PDE1C: variants seen among roughly 807,000 people sequenced by gnomAD.
PDE1C encodes phosphodiesterase 1C, also known as dual specificity calcium/calmodulin-dependent 3',5'-cyclic nucleotide phosphodiesterase 1C.
PDE1C carries 62 observed loss-of-function variants against 93.1 expected under a neutral mutation model. The observed-to-expected ratio is 0.67, with a 90% CI of 0.54 to 0.82. The LOEUF is 0.82. Among genes scored for constraint, PDE1C ranks in the 40% least tolerant of loss-of-function variants. The pLI is 0.00. For synonymous variants in PDE1C, 325 were observed against 310.1 expected (o/e 1.05, Z -0.50); for missense variants, 742 against 884.6 (o/e 0.84, Z 2.04).
At chr7:32,113,614 T>C (rs962968606) in intron 3 of PDE1C, among the ~76,000 whole-genome samples, 8 of 151,948 alleles carry the variant, frequency 5.3e-5, no homozygotes, top group African/African-American at 1.2e-4. Context: ...CATATTTACT[T>C]GGTCATGATA....
At chr7:32,330,286 A>T (rs1179305607) in intron 1 of PDE1C, among the ~76,000 whole-genome samples, 1 of 152,200 alleles carries the variant, frequency 6.6e-6, no homozygotes, top group African/African-American at 2.4e-5. Flanking sequence ...TCAAGCTTGC[A>T]CTCAGCCCTC....
At chr7:32,368,103 C>T (rs1784259006) in intron 1 of PDE1C, among the ~76,000 whole-genome samples, 1 of 152,142 alleles carries the variant, frequency 6.6e-6, no homozygotes, top group Non-Finnish European at 1.5e-5. Context: ...ATGCTCGCCA[C>T]TCTTATTCAA....
At chr7:32,313,143 A>G (rs1783089493) in intron 1 of PDE1C, among the ~76,000 whole-genome samples, 1 of 152,130 alleles carries the variant, frequency 6.6e-6, no homozygotes, top group Non-Finnish European at 1.5e-5. Flanking sequence ...GCCAAAAAAC[A>G]CATGAAAAAA....
intron 1 of PDE1C, among the ~76,000 whole-genome samples, chr7:32,225,332 C>T (rs1176510670): frequency 6.6e-6 from 1 of 150,522 alleles, no homozygotes; most frequent in African/African-American, 2.4e-5. Context: ...TATTCCAAAG[C>T]ATTCAACATG....
At chr7:31,932,513 A>C (rs1804456827) in intron 2 of PDE1C, among the ~76,000 whole-genome samples, 1 of 152,234 alleles carries the variant, frequency 6.6e-6, no homozygotes, top group Non-Finnish European at 1.5e-5. Context: ...AACCACAATG[A>C]GATACCATCT....
At chr7:31,819,425 T>C (rs950798995) in intron 14 of PDE1C, among the ~76,000 whole-genome samples, 1 of 152,220 alleles carries the variant, frequency 6.6e-6, no homozygotes, top group African/African-American at 2.4e-5. Flanking sequence ...AGTTATTTTG[T>C]ACATGCTCAC....
At chr7:32,306,711 T>C (rs1056395859) in intron 1 of PDE1C, among the ~76,000 whole-genome samples, 2 of 152,198 alleles carry the variant, frequency 1.3e-5, no homozygotes, top group Non-Finnish European at 2.9e-5. Context: ...TAAAAACCCC[T>C]TACCTTGGCT....
chr7:31,681,600 T>C, the PDE1C span, among the ~76,000 whole-genome samples: 7 of 152,328 alleles, frequency 4.6e-5, no homozygotes, highest in Non-Finnish European at 1.0e-4. Flanking sequence ...GTGATTTTTC[T>C]GCGTCTGTCT....
chr7:32,285,386 C>A (rs906311132), intron 1 of PDE1C, among the ~76,000 whole-genome samples: 1 of 152,100 alleles, frequency 6.6e-6, no homozygotes, highest in Non-Finnish European at 1.5e-5. Flanking sequence ...TATGTCCACA[C>A]AAAGACATGT....
the PDE1C span, among the ~76,000 whole-genome samples, chr7:31,649,253 C>G: frequency 4.6e-5 from 7 of 152,158 alleles, no homozygotes; most frequent in Admixed American, 1.3e-4. Context: ...GTAAAAATAG[C>G]CATCCGGCTG....
the PDE1C span, among the ~76,000 whole-genome samples, chr7:31,679,633 G>A: frequency 6.6e-6 from 1 of 152,138 alleles, no homozygotes; most frequent in African/African-American, 2.4e-5. Flanking sequence ...AAACTACATT[G>A]CACATACCTT....
chr7:31,677,034 A>T, the PDE1C span, among the ~76,000 whole-genome samples: 1 of 152,230 alleles, frequency 6.6e-6, no homozygotes, highest in Non-Finnish European at 1.5e-5. Context: ...ACACAAGTCT[A>T]TATATAAATT....
At chr7:31,909,160 C>G (rs1030420158) in intron 2 of PDE1C, among the ~76,000 whole-genome samples, 1 of 152,098 alleles carries the variant, frequency 6.6e-6, no homozygotes, top group African/African-American at 2.4e-5. Context: ...CTCCTGTCCT[C>G]TTACGTGGTA....
the PDE1C span, among the ~76,000 whole-genome samples, chr7:31,663,226 T>A: frequency 0.023 from 3,464 of 152,234 alleles, 137 homozygotes; most frequent in African/African-American, 0.078. Context: ...TGCAGTTGGG[T>A]CTACCTCAGG....
intron 1 of PDE1C, among the ~76,000 whole-genome samples, chr7:32,323,258 C>T (rs561879357): frequency 6.6e-6 from 1 of 152,288 alleles, no homozygotes; most frequent in East Asian, 1.9e-4. Context: ...CAAGTATTTG[C>T]AGATTTACTT....
At chr7:32,233,637 A>G (rs1807866472) in intron 1 of PDE1C, among the ~76,000 whole-genome samples, 1 of 152,102 alleles carries the variant, frequency 6.6e-6, no homozygotes, top group Non-Finnish European at 1.5e-5. Flanking sequence ...AGAAGTTAAA[A>G]CAGCCTTAAA....
At chr7:31,942,218 T>C (rs529796173) in intron 2 of PDE1C, among the ~76,000 whole-genome samples, 68 of 152,274 alleles carry the variant, frequency 4.5e-4, no homozygotes, top group Non-Finnish European at 3.4e-4. Flanking sequence ...GTTTCAAAGC[T>C]CAGGGCAGAA....
chr7:31,790,216 C>A, intron 16 of PDE1C: 2 of 1,612,346 alleles, frequency 1.2e-6, no homozygotes, highest in Non-Finnish European at 1.7e-6. Flanking sequence ...AAGACACTGG[C>A]AGCCTCTTTT....
intron 12 of PDE1C, among the ~76,000 whole-genome samples, chr7:31,827,407 T>C (rs1260471557): frequency 6.6e-6 from 1 of 152,190 alleles, no homozygotes. Context: ...CTTATCGTAC[T>C]AGGTACAAAA....
Sources: allele counts gnomAD v4.1 joint callset (sites outside exome capture counted in the v4.1 genomes callset), GRCh38; gene constraint gnomAD v4.1.1; transcripts MANE v1.5; gene names NCBI Gene and HGNC (gene_info 2026-07-23, HGNC 2026-07-21).